Variants in DIS3L2 observed in about 807,000 individuals in gnomAD.
The protein encoded by DIS3L2 is DIS3-like exonuclease 2.
A neutral mutation model predicts 97.5 loss-of-function variants in DIS3L2; 34 were observed. The observed-to-expected ratio is 0.35, with a 90% CI of 0.27 to 0.46. DIS3L2 has a LOEUF of 0.46. DIS3L2 is among the 20% of genes least tolerant of loss of function. The pLI is 1.00. For missense variants in DIS3L2, 1,038 were observed against 1,146.0 expected (o/e 0.91, Z 1.36); for synonymous variants, 435 against 445.2 (o/e 0.98, Z 0.29).
At chr2:232,166,183 TG>T (rs1393424187) in intron 9 of DIS3L2, among the ~76,000 whole-genome samples, 1 of 152,016 alleles carries the variant, frequency 6.6e-6, no homozygotes, top group Non-Finnish European at 1.5e-5. Context: ...TGTTTGAGCC[TG>T]GGAGTTTGAG....
chr2:232,218,324 A>G (rs1692401505), intron 10 of DIS3L2, among the ~76,000 whole-genome samples: 1 of 152,232 alleles, frequency 6.6e-6, no homozygotes, highest in Admixed American at 6.5e-5. Flanking sequence ...AATCCATCAG[A>G]CAAAGCATTG....
At chr2:232,105,744 G>A (rs767220670) in intron 6 of DIS3L2, among the ~76,000 whole-genome samples, 1 of 152,194 alleles carries the variant, frequency 6.6e-6, no homozygotes, top group Non-Finnish European at 1.5e-5. Context: ...AGGAAATAAT[G>A]TCTCACAAAT....
intron 12 of DIS3L2, among the ~76,000 whole-genome samples, chr2:232,261,266 A>G (rs985550272): frequency 4.6e-5 from 7 of 151,580 alleles, no homozygotes; most frequent in Admixed American, 2.0e-4. Context: ...GATGGCCTCC[A>G]TTTGGCCCAA....
intron 5 of DIS3L2, among the ~76,000 whole-genome samples, chr2:232,070,685 A>G (rs1695989565): frequency 6.6e-6 from 1 of 151,762 alleles, no homozygotes; most frequent in Non-Finnish European, 1.5e-5. Flanking sequence ...CCCGGGTTCA[A>G]GTGATTCTCC....
chr2:232,243,944 A>G (rs910671580), intron 11 of DIS3L2, among the ~76,000 whole-genome samples: 3 of 152,218 alleles, frequency 2.0e-5, no homozygotes, highest in East Asian at 3.8e-4. Flanking sequence ...CAGGACATGC[A>G]AAAGTCCATT....
At chr2:232,303,139 A>C (rs556544935) in intron 14 of DIS3L2, among the ~76,000 whole-genome samples, 1 of 152,234 alleles carries the variant, frequency 6.6e-6, no homozygotes, top group South Asian at 2.1e-4. Context: ...TCATGAGGGA[A>C]GAGGCTGGTG....
chr2:232,237,163 G>T (rs961239436), intron 10 of DIS3L2, among the ~76,000 whole-genome samples: 2 of 152,110 alleles, frequency 1.3e-5, no homozygotes, highest in African/African-American at 4.8e-5. Flanking sequence ...GTATGTATGT[G>T]TATATTTTTA....
intron 5 of DIS3L2, among the ~76,000 whole-genome samples, chr2:232,066,070 G>A (rs1191175487): frequency 6.6e-6 from 1 of 151,554 alleles, no homozygotes; most frequent in African/African-American, 2.4e-5. Context: ...GATTCTGTAG[G>A]ATTTTCTGCA....
At chr2:232,336,137 C>A in intron 20 of DIS3L2, 1 of 1,537,414 alleles carries the variant, frequency 6.5e-7, no homozygotes, top group Non-Finnish European at 8.8e-7. Flanking sequence ...TGCTGGCCTT[C>A]TAGGGTCCTT....
intron 1 of DIS3L2, among the ~76,000 whole-genome samples, chr2:231,988,251 A>G (rs1693476788): frequency 6.6e-6 from 1 of 152,206 alleles, no homozygotes; most frequent in Non-Finnish European, 1.5e-5. Flanking sequence ...AAAATCTAGA[A>G]TTTTGGATTG....
At chr2:232,203,543 C>T (rs1037730115) in intron 9 of DIS3L2, among the ~76,000 whole-genome samples, 1 of 152,172 alleles carries the variant, frequency 6.6e-6, no homozygotes, top group Non-Finnish European at 1.5e-5. Context: ...GCCCTTTGGT[C>T]GTTTTTTCAT....
chr2:232,007,085 G>C (rs551103727), intron 1 of DIS3L2, among the ~76,000 whole-genome samples: 9 of 152,176 alleles, frequency 5.9e-5, no homozygotes, highest in Non-Finnish European at 1.2e-4. Flanking sequence ...GGTAGCCTGA[G>C]GTGGGCAGAA....
intron 14 of DIS3L2, chr2:232,307,532 G>A (rs186645409): frequency 2.6e-5 from 4 of 152,134 alleles, no homozygotes; most frequent in Admixed American, 1.3e-4. Context: ...TTTTTGCCGG[G>A]TAGTGAAGAA....
intron 5 of DIS3L2, among the ~76,000 whole-genome samples, chr2:232,056,702 A>G (rs1199911328): frequency 1.3e-5 from 2 of 152,250 alleles, no homozygotes; most frequent in Non-Finnish European, 2.9e-5. Flanking sequence ...GTTATCAGGG[A>G]AACACAAATC....
At chr2:232,340,585 C>T (rs1347900821), downstream of DIS3L2, 2 of 426,980 alleles carry the variant, frequency 4.7e-6, no homozygotes, top group Admixed American at 2.5e-5. Flanking sequence ...GCTGAGACTA[C>T]AGCCCTCGTG....
chr2:232,273,732 G>T (rs939758370), intron 13 of DIS3L2, among the ~76,000 whole-genome samples: 1 of 152,172 alleles, frequency 6.6e-6, no homozygotes, highest in Non-Finnish European at 1.5e-5. Flanking sequence ...GAGCATGGTG[G>T]AAGGGGCACT....
intron 6 of DIS3L2, among the ~76,000 whole-genome samples, chr2:232,124,521 G>A (rs1051847955): frequency 6.6e-6 from 1 of 152,072 alleles, no homozygotes; most frequent in Non-Finnish European, 1.5e-5. Flanking sequence ...AAGAGAGTAA[G>A]AAAAAAATTA....
intron 14 of DIS3L2, among the ~76,000 whole-genome samples, chr2:232,318,128 ACAGAGGC>A (rs142504543): frequency 5.9e-5 from 9 of 152,128 alleles, no homozygotes; most frequent in Non-Finnish European, 8.8e-5. Flanking sequence ...CCAGGCCTCC[ACAGAGGC>A]CAGAGGCCAG....
intron 5 of DIS3L2, among the ~76,000 whole-genome samples, chr2:232,047,364 A>G (rs967910467): frequency 6.6e-6 from 1 of 152,206 alleles, no homozygotes; most frequent in African/African-American, 2.4e-5. Flanking sequence ...GGAAAATGTA[A>G]AGAAAAGCAG....
Sources: gnomAD v4.1 joint callset for allele counts (sites outside exome capture counted in the v4.1 genomes callset) on GRCh38, gnomAD v4.1.1 for gene constraint, MANE v1.5 for transcripts, NCBI Gene and HGNC (gene_info 2026-07-23, HGNC 2026-07-21) for gene names.